PI4K2B: variants seen among roughly 807,000 people sequenced by gnomAD.
The protein encoded by PI4K2B is phosphatidylinositol 4-kinase type 2-beta.
In PI4K2B, 46 loss-of-function variants were observed where a neutral mutation model predicts 56.6. The observed-to-expected ratio is 0.81, with a 90% CI of 0.64 to 1.04. PI4K2B has a LOEUF of 1.04. PI4K2B is among the 50% of genes least tolerant of loss of function. The pLI is 0.00. For synonymous variants in PI4K2B, 211 were observed against 223.8 expected, an observed-to-expected ratio of 0.94 and a Z score of 0.51; for missense variants, 556 against 607.7, an observed-to-expected ratio of 0.91 and a Z score of 0.89.
At chr4:25,252,287 G>A (rs1473308427) in intron 1 of PI4K2B, 34 bp from the exon 2 acceptor site, 3 of 1,546,158 alleles carry the variant, frequency 1.9e-6, no homozygotes, top group Middle Eastern at 1.7e-4. Flanking sequence ...CATATCATGA[G>A]CATTCTCATA....
chr4:25,245,845 G>A (rs1264536752), intron 1 of PI4K2B, among the ~76,000 whole-genome samples: 1 of 152,088 alleles, frequency 6.6e-6, no homozygotes, highest in East Asian at 1.9e-4. Flanking sequence ...TTAGCAATGG[G>A]CAGTTGTCTC....
At chr4:25,238,676 C>T (rs1371182936) in intron 1 of PI4K2B, among the ~76,000 whole-genome samples, 2 of 152,026 alleles carry the variant, frequency 1.3e-5, no homozygotes, top group East Asian at 1.9e-4. Context: ...GTTCATTCCT[C>T]CTGGTGGGTT....
chr4:25,268,568 C>A lies in PI4K2B; in HGVS notation c.1204C>A (p.Leu402Ile), dbSNP rs749285941. ...AGATTTATGTGAAGATCTCTATGAACTTTTTAAGGTAAGTTAATGCTTAGT... is the reference window on the plus strand; with the variant it reads ...AGATTTATGTGAAGATCTCTATGAAATTTTTAAGGTAAGTTAATGCTTAGT... ...VQDLCEDLYE[L>I]FKTDKGFDKA... Residue 402 changes from leucine to isoleucine, a missense_variant, in exon 8 of 10, where the codon CTT (leucine) becomes ATT (isoleucine). Transcript: ENST00000264864. 3.8e-6 allele frequency: 6 copies of A among 1,566,276 alleles called. No individual in the cohort carries two copies. The Admixed American group carries it at 1.1e-4, about 29-fold the overall frequency.
At chr4:25,247,847 G>T (rs541330636) in intron 1 of PI4K2B, among the ~76,000 whole-genome samples, 1 of 152,234 alleles carries the variant, frequency 6.6e-6, no homozygotes, top group East Asian at 1.9e-4. Flanking sequence ...GGGACTACAG[G>T]TACATGCCAC....
chr4:25,260,973 G>A (rs1178663101), intron 6 of PI4K2B, among the ~76,000 whole-genome samples: 1 of 149,840 alleles, frequency 6.7e-6, no homozygotes, highest in Non-Finnish European at 1.5e-5. Flanking sequence ...CTCCCAAAGT[G>A]CTGGGATTAC....
At position 25,263,949 on chromosome 4, in the gene PI4K2B, G is replaced by A. The variant is rs1484862339; in HGVS notation, c.1078+100G>A. The A allele has an allele frequency of 5.1e-6, 3 of 588,482 alleles. No homozygotes were observed. The Admixed American group carries it at 8.5e-5, about 17-fold the overall frequency. The allele number at this position is 588,482 out of a possible 1,614,324, so 36.5% of individuals were successfully genotyped here. A position where few individuals can be genotyped will look rare whatever the true frequency, so the allele number is the denominator to read the frequency against. The stretch of plus-strand genomic sequence containing the variant: ...TACCATAGCGGAGGAAAAAGTAGAT[G>A]AAATATGATTATTCATTAAGGCTCA... On this transcript the variant is annotated intron_variant, in intron 7 of 9. Coordinates refer to ENST00000264864, the MANE Select transcript of PI4K2B (RefSeq NM_018323.4).
chr4:25,244,157 G>T (rs930176839), intron 1 of PI4K2B, among the ~76,000 whole-genome samples: 20 of 152,170 alleles, frequency 1.3e-4, no homozygotes, highest in Non-Finnish European at 2.2e-4. Flanking sequence ...AAATCAGAGA[G>T]GGAGAAGGGG....
At chr4:25,238,495 C>T (rs74591849) in intron 1 of PI4K2B, among the ~76,000 whole-genome samples, 4,016 of 152,164 alleles carry the variant, frequency 0.026, 179 homozygotes, top group East Asian at 0.18. Flanking sequence ...TGGACCCTCG[C>T]GGTTAGTGTT....
intron 2 of PI4K2B, among the ~76,000 whole-genome samples, chr4:25,252,998 A>G (rs1264172851): frequency 6.6e-6 from 1 of 152,174 alleles, no homozygotes; most frequent in Non-Finnish European, 1.5e-5. Flanking sequence ...TTGTTATTTT[A>G]TACTTGGTTT....
At position 25,234,412 on chromosome 4, in the gene PI4K2B, G is replaced by A; in HGVS notation, c.249G>A (p.Arg83=). Residue 83 remains arginine (R), a synonymous_variant, in exon 1 of 10, where the codon CGG becomes CGA. Transcript: ENST00000264864. ...GGAGTTCGTCCGCCGAGCTGGACCG[G>A]AGCCGCCCCGCGGTTTCAGGTGCGA... ...VSRSSSAELD[R]SRPAVSVTIG... The A allele has an allele frequency of 7.3e-7, 1 of 1,365,830 alleles. No individual in the cohort carries two copies. The highest frequency in any genetic ancestry group is 1.7e-5 in the South Asian group (1 of 60,212). The allele number at this position is 1,365,830 out of a possible 1,614,324, so 84.6% of individuals were successfully genotyped here. A position where few individuals can be genotyped will look rare whatever the true frequency, so the allele number is the denominator to read the frequency against.
intron 1 of PI4K2B, among the ~76,000 whole-genome samples, chr4:25,239,518 C>T (rs1448124157): frequency 8.2e-5 from 5 of 60,988 alleles, no homozygotes; most frequent in East Asian, 2.9e-4. Context: ...GCCGGCCAGC[C>T]GCTCCGACTG....
chr4:25,251,526 G>A (rs1373062533), intron 1 of PI4K2B, among the ~76,000 whole-genome samples: 1 of 152,110 alleles, frequency 6.6e-6, no homozygotes, highest in African/African-American at 2.4e-5. Flanking sequence ...AGGACATGAA[G>A]GGAGAGAATT....
intron 1 of PI4K2B, among the ~76,000 whole-genome samples, chr4:25,246,255 T>C (rs1359230960): frequency 6.6e-6 from 1 of 152,200 alleles, no homozygotes; most frequent in Non-Finnish European, 1.5e-5. Context: ...CAGCCTGCTT[T>C]TGTTCCCTTA....
chr4:25,268,723 T>C (rs1416226039), intron 8 of PI4K2B, 147 bp downstream of exon 8: 1 of 579,060 alleles, frequency 1.7e-6, no homozygotes, highest in Non-Finnish European at 3.0e-6. Context: ...AGCAGTTTTA[T>C]TTACAGGAGC....
intron 1 of PI4K2B, among the ~76,000 whole-genome samples, chr4:25,243,983 C>T (rs888436899): frequency 6.6e-6 from 1 of 152,182 alleles, no homozygotes; most frequent in African/African-American, 2.4e-5. Context: ...AACTCTTGGG[C>T]TGCATCTAAA....
intron 1 of PI4K2B, among the ~76,000 whole-genome samples, chr4:25,250,202 G>A (rs1715993905): frequency 6.6e-6 from 1 of 152,294 alleles, no homozygotes; most frequent in Admixed American, 6.5e-5. Context: ...ATCAGAGGGA[G>A]ACCGTGCAAA....
chr4:25,258,809 T>C (rs1306758846), intron 4 of PI4K2B, among the ~76,000 whole-genome samples: 3 of 152,170 alleles, frequency 2.0e-5, no homozygotes, highest in African/African-American at 7.2e-5. Context: ...CTATGCTCCT[T>C]GAAAGTCTAG....
At chr4:25,255,336 T>G (rs996924953) in intron 3 of PI4K2B, 71 bp downstream of exon 3, 9 of 1,321,522 alleles carry the variant, frequency 6.8e-6, no homozygotes, top group Non-Finnish European at 9.7e-6. Context: ...ATTTCAGTAA[T>G]TATTCCTAAT....
intron 8 of PI4K2B, among the ~76,000 whole-genome samples, 176 bp from the exon 9 acceptor site, chr4:25,268,968 G>A (rs960669793): frequency 2.0e-5 from 3 of 152,060 alleles, no homozygotes; most frequent in Admixed American, 6.6e-5. Flanking sequence ...AAGTCTATTC[G>A]TGTCATTCTG....
Sources: allele counts gnomAD v4.1 joint callset (sites outside exome capture counted in the v4.1 genomes callset), GRCh38; gene constraint gnomAD v4.1.1; transcripts MANE v1.5; gene names NCBI Gene and HGNC (gene_info 2026-07-23, HGNC 2026-07-21).